Variants in EPB41L5 observed in about 807,000 individuals in gnomAD.
The protein encoded by EPB41L5 is erythrocyte membrane protein band 4.1 like 5.
Under a neutral mutation model 106.6 loss-of-function variants are expected in EPB41L5, and 55 were observed. That is an observed-to-expected ratio of 0.52 (90% confidence interval 0.42 to 0.65). EPB41L5 has a LOEUF of 0.65. Among genes scored for constraint, EPB41L5 ranks in the 30% least tolerant of loss-of-function variants. The pLI, the probability that EPB41L5 is intolerant of heterozygous loss-of-function variation, is 0.00. For missense variants in EPB41L5, 871 were observed against 882.1 expected (o/e 0.99, Z 0.16); for synonymous variants, 297 against 306.7 (o/e 0.97, Z 0.33).
intron 3 of EPB41L5, among the ~76,000 whole-genome samples, chr2:120,072,415 C>A (rs1197847637): frequency 6.6e-6 from 1 of 152,174 alleles, no homozygotes; most frequent in East Asian, 1.9e-4. Flanking sequence ...TTTGACCCAG[C>A]AATCCCATTA....
chr2:120,084,514 C>T (rs1423809142), intron 10 of EPB41L5, among the ~76,000 whole-genome samples: 1 of 152,170 alleles, frequency 6.6e-6, no homozygotes, highest in Non-Finnish European at 1.5e-5. Flanking sequence ...TGATGGGCTT[C>T]CCTTTGTGGG....
intron 10 of EPB41L5, among the ~76,000 whole-genome samples, chr2:120,084,528 C>T (rs1682922096): frequency 6.6e-6 from 1 of 152,124 alleles, no homozygotes; most frequent in African/African-American, 2.4e-5. Flanking sequence ...TTGTGGGTAA[C>T]CCGACCTTTC....
intron 2 of EPB41L5, among the ~76,000 whole-genome samples, chr2:120,026,555 G>C (rs1404353890): frequency 1.7e-4 from 26 of 152,162 alleles, no homozygotes; most frequent in Admixed American, 1.7e-3. Flanking sequence ...TTTTAGTAGA[G>C]ACGGGATTTC....
At chr2:120,107,791 C>T (rs1023328933) in intron 16 of EPB41L5, among the ~76,000 whole-genome samples, 4 of 152,142 alleles carry the variant, frequency 2.6e-5, no homozygotes, top group Non-Finnish European at 5.9e-5. Flanking sequence ...GTTCCATTAA[C>T]GTTAACCTTG....
intron 3 of EPB41L5, among the ~76,000 whole-genome samples, chr2:120,053,484 G>A (rs947624332): frequency 3.9e-5 from 6 of 152,056 alleles, no homozygotes; most frequent in Non-Finnish European, 7.4e-5. Flanking sequence ...CCTCTTACAC[G>A]TTACCAGTCA....
intron 20 of EPB41L5, among the ~76,000 whole-genome samples, chr2:120,155,425 G>A (rs909621972): frequency 1.3e-5 from 2 of 152,098 alleles, no homozygotes; most frequent in South Asian, 2.1e-4. Context: ...TGCAACTTTC[G>A]AGAATCTCTC....
chr2:120,060,146 C>G (rs1352516067), intron 3 of EPB41L5, among the ~76,000 whole-genome samples: 5 of 152,156 alleles, frequency 3.3e-5, no homozygotes, highest in Non-Finnish European at 1.5e-5. Flanking sequence ...AATGGGATCT[C>G]TTATACATTG....
intron 12 of EPB41L5, 152 bp from the exon 13 acceptor site, chr2:120,091,403 A>G: frequency 1.7e-6 from 1 of 595,556 alleles, no homozygotes; most frequent in Non-Finnish European, 3.0e-6. Flanking sequence ...ATGATATGGT[A>G]AAGAGAGAGA....
intron 16 of EPB41L5, among the ~76,000 whole-genome samples, chr2:120,119,499 G>T (rs765132548): frequency 9.2e-5 from 14 of 152,000 alleles, no homozygotes; most frequent in Admixed American, 3.3e-4. Flanking sequence ...TTTTACATTT[G>T]AGTCTTTAAT....
At chr2:120,170,235 G>T (rs1296294491) in intron 24 of EPB41L5, among the ~76,000 whole-genome samples, 1 of 152,218 alleles carries the variant, frequency 6.6e-6, no homozygotes. Flanking sequence ...TGTATTAATT[G>T]TCTACTTCTG....
At chr2:120,098,536 TTTG>T (rs1683924738) in intron 14 of EPB41L5, among the ~76,000 whole-genome samples, 3 of 151,974 alleles carry the variant, frequency 2.0e-5, no homozygotes, top group Non-Finnish European at 4.4e-5. Flanking sequence ...TGAAAGGTAT[TTTG>T]TTGTTGTTGT....
chr2:120,170,151 T>C (rs1687608660), intron 24 of EPB41L5, among the ~76,000 whole-genome samples: 1 of 152,118 alleles, frequency 6.6e-6, no homozygotes, highest in South Asian at 2.1e-4. Flanking sequence ...ACTAGATAAA[T>C]ATTAGAAAAG....
intron 20 of EPB41L5, among the ~76,000 whole-genome samples, chr2:120,156,403 C>T (rs1558911288): frequency 6.6e-6 from 1 of 152,224 alleles, no homozygotes; most frequent in African/African-American, 2.4e-5. Context: ...CAGCTTCCCC[C>T]TGGGGCTACA....
At chr2:120,027,578 T>G (rs1418321505) in intron 2 of EPB41L5, among the ~76,000 whole-genome samples, 1 of 152,146 alleles carries the variant, frequency 6.6e-6, no homozygotes, top group Non-Finnish European at 1.5e-5. Context: ...ATATGGACTT[T>G]CTTTTTTTTA....
chr2:120,051,453 C>T (rs1680281104), intron 3 of EPB41L5, among the ~76,000 whole-genome samples: 1 of 152,182 alleles, frequency 6.6e-6, no homozygotes, highest in Admixed American at 6.5e-5. Context: ...ACCCTCCGAG[C>T]CAGGCACAGG....
intron 21 of EPB41L5, among the ~76,000 whole-genome samples, chr2:120,164,114 C>T (rs1443449436): frequency 6.6e-6 from 1 of 151,270 alleles, no homozygotes; most frequent in East Asian, 1.9e-4. Context: ...TCTCGAGTAG[C>T]TGGGACTATA....
At chr2:120,060,443 C>T (rs1391423934) in intron 3 of EPB41L5, among the ~76,000 whole-genome samples, 2 of 152,122 alleles carry the variant, frequency 1.3e-5, no homozygotes, top group Non-Finnish European at 2.9e-5. Flanking sequence ...AAAGAAAAAA[C>T]TATTGATACA....
At chr2:120,166,445 A>G (rs1026949142) in intron 22 of EPB41L5, among the ~76,000 whole-genome samples, 1 of 137,162 alleles carries the variant, frequency 7.3e-6, no homozygotes, top group Non-Finnish European at 1.6e-5. Context: ...TTGGTAGGAA[A>G]GTCAGATTTT....
At chr2:120,096,120 TTGTC>T (rs1683738290) in intron 14 of EPB41L5, among the ~76,000 whole-genome samples, 2 of 152,316 alleles carry the variant, frequency 1.3e-5, no homozygotes, top group African/African-American at 4.8e-5. Context: ...ATTTTTGAAT[TTGTC>T]TGTACTCTTA....
Sources: allele counts gnomAD v4.1 joint callset (sites outside exome capture counted in the v4.1 genomes callset), GRCh38; gene constraint gnomAD v4.1.1; transcripts MANE v1.5; gene names NCBI Gene and HGNC (gene_info 2026-07-23, HGNC 2026-07-21).